The following NPEPL1 variants were observed in gnomAD, a reference collection of about 807,000 sequenced individuals.
NPEPL1 encodes the protein probable aminopeptidase NPEPL1.
A neutral mutation model predicts 52.4 loss-of-function variants in NPEPL1; 45 were observed. The observed-to-expected ratio is 0.86, with a 90% CI of 0.68 to 1.10. NPEPL1 has a LOEUF of 1.10. Ranked by LOEUF, NPEPL1 falls within the 50% of genes least tolerant of loss-of-function variation. The probability of loss-of-function intolerance (pLI) is 0.00; values close to 1 mark genes in which losing one functional copy is unlikely to be tolerated. For synonymous variants in NPEPL1, 360 were observed against 314.7 expected, an observed-to-expected ratio of 1.14 and a Z score of -1.52; for missense variants, 696 against 710.9, an observed-to-expected ratio of 0.98 and a Z score of 0.24.
chr20:58,713,707 G>A lies in NPEPL1; in HGVS notation c.1125+164G>A. On this transcript the variant is annotated intron_variant, in intron 9 of 11. Transcript: ENST00000356091. This position sits in a 1 kb window ranked among gnomAD's most constrained non-coding sequence, Gnocchi z 4.6. ...CTGCCCGTCAAGCTTGGTGTGGGCA[G>A]TACCGAGGCCCAGGCTGGATGCAGA... The A allele has an allele frequency of 1.7e-6, 2 of 1,148,586 alleles. No homozygotes were observed. Among genetic ancestry groups the A allele is most frequent in the Admixed American group, 6.0e-5 (2 of 33,522 alleles). 71.1% of individuals were successfully genotyped at this position (1,148,586 alleles called of 1,614,324 possible). A position where few individuals can be genotyped will look rare whatever the true frequency, so the allele number is the denominator to read the frequency against.
In NPEPL1 at chr20:58,693,907, G is replaced by A. The variant is rs2123077753; in HGVS notation, c.321G>A (p.Ala107=). 1 of 1,603,752 alleles carries A rather than the reference G, an allele frequency of 6.2e-7. No homozygotes were observed. The highest frequency in any genetic ancestry group is 8.5e-7 in the Non-Finnish European group (1 of 1,174,964). Residue 107 remains alanine, a synonymous_variant, in exon 2 of 12, where the codon GCG becomes GCA. Coordinates refer to ENST00000356091, the MANE Select transcript of NPEPL1 (RefSeq NM_024663.4). ...RLVRTCLPPG[A]HRCIVMVCEQ... is the part of the protein sequence containing the mutation. ...TGCGGACCTGCCTGCCGCCCGGAGC[G>A]CATCGCTGCATTGTGGTGAGTGCTT...
chr20:58,694,599 G>A lies in NPEPL1; in HGVS notation c.507+7G>A, dbSNP rs778716414. 14 of 1,608,538 alleles carry A rather than the reference G, an allele frequency of 8.7e-6. No individual in the cohort carries two copies. In the South Asian group the frequency reaches 1.3e-4, roughly 15 times the overall value. ...GGAGGTGTCCACATTGCAGGTGGGT[G>A]TCTGGAAGGGCAGACACTGCCCCTG... On this transcript the variant is annotated splice_region_variant and intron_variant, in intron 3 of 11. Transcript: ENST00000356091.
In NPEPL1 at chr20:58,692,863, CCGGGCCGGGCAGGGCCGGGG is replaced by C. The variant is rs953882699; in HGVS notation, c.-35_-16del. On this transcript the variant is annotated 5_prime_UTR_variant, in exon 1 of 12. Transcript: ENST00000356091. This position sits in a 1 kb window ranked among gnomAD's most constrained non-coding sequence, Gnocchi z 5.7. Reference sequence around the variant, plus strand: ...GAAGGGGGCCGAGCGGCGGGCCGGGCCGGGCCGGGCAGGGCCGGGGCGTGGGCCGGCAGGAAGATGGCGAA... The same window carrying C: ...GAAGGGGGCCGAGCGGCGGGCCGGGCCGTGGGCCGGCAGGAAGATGGCGAA... The C allele has an allele frequency of 4.0e-6, 4 of 998,714 alleles. No individual in the cohort carries two copies. The African/African-American group carries it at 7.1e-5, about 18-fold the overall frequency. 61.9% of individuals were successfully genotyped at this position (998,714 alleles called of 1,614,324 possible). A position where few individuals can be genotyped will look rare whatever the true frequency, so the allele number is the denominator to read the frequency against.
In NPEPL1 at chr20:58,713,907, G is replaced by T; in HGVS notation, c.1126-10G>T. 1 of 1,454,398 alleles carries T rather than the reference G, an allele frequency of 6.9e-7. No individual in the cohort carries two copies. Among genetic ancestry groups the T allele is most frequent in the South Asian group, 1.5e-5 (1 of 68,438 alleles). The allele number at this position is 1,454,398 out of a possible 1,614,324, so 90.1% of individuals were successfully genotyped here. On this transcript the variant is annotated splice_polypyrimidine_tract_variant and intron_variant, in intron 9 of 11. Transcript: ENST00000356091. This position sits in a 1 kb window ranked among gnomAD's most constrained non-coding sequence, Gnocchi z 4.6. ...CCGTCCACACGCTTCCCGGGTTCCT[G>T]CCCGCCCAGGGCATTGCCACAGGGA...
upstream of NPEPL1, chr20:58,692,271 C>T (rs1001340423): frequency 1.1e-5 from 2 of 189,070 alleles, no homozygotes; most frequent in Non-Finnish European, 2.2e-5. This position sits in a 1 kb window ranked among gnomAD's most constrained non-coding sequence, Gnocchi z 5.7. Flanking sequence ...CAGGGAACCT[C>T]CGATTAAGTG....
intron 6 of NPEPL1, 32 bp from the exon 7 acceptor site, chr20:58,707,091 C>A: frequency 6.5e-7 from 1 of 1,548,534 alleles, no homozygotes; most frequent in Non-Finnish European, 8.7e-7. Context: ...TCACAGCTCA[C>A]CTTTGTCCTG....
intron 1 of NPEPL1, 92 bp downstream of exon 1, chr20:58,693,142 G>A (rs1601089297): frequency 2.4e-6 from 2 of 850,302 alleles, no homozygotes; most frequent in Non-Finnish European, 2.8e-6. Context: ...CCGCACCCCC[G>A]CCGCCGCCGG....
chr20:58,704,144 C>T (rs900187578), intron 6 of NPEPL1: 2 of 985,272 alleles, frequency 2.0e-6, no homozygotes, highest in African/African-American at 3.5e-5. Flanking sequence ...CGCTCACAAT[C>T]TCTCCCCAAC....
At chr20:58,689,698 A>G (rs2084315034), upstream of NPEPL1, among the ~76,000 whole-genome samples, 1 of 152,178 alleles carries the variant, frequency 6.6e-6, no homozygotes, top group South Asian at 2.1e-4. Context: ...CAAAAGTCTC[A>G]TCGTAGTCCA....
rs2084909210 is a variant in NPEPL1, at chr20:58,714,106, C to G, written c.1302+13C>G. 1.3e-6 allele frequency: 2 copies of G among 1,535,144 alleles called. No homozygotes were observed. Among genetic ancestry groups the G allele is most frequent in the East Asian group, 2.5e-5 (1 of 39,972 alleles). Reference sequence around the variant, plus strand: ...GAACTCAGTGGCGGTAGGTTTGGAGCCTCGAACCTGGAGCCTGCCACATGG... The same window carrying G: ...GAACTCAGTGGCGGTAGGTTTGGAGGCTCGAACCTGGAGCCTGCCACATGG... On this transcript the variant is annotated intron_variant, in intron 10 of 11. Transcript: ENST00000356091.
chr20:58,692,427 T>C (rs915502187), upstream of NPEPL1, among the ~76,000 whole-genome samples: 1 of 151,964 alleles, frequency 6.6e-6, no homozygotes, highest in Non-Finnish European at 1.5e-5. The surrounding 1 kb of genome is among the most constrained non-coding windows in gnomAD (Gnocchi z 5.7). Context: ...AAGCAGCTGC[T>C]AAGGGACCTC....
At chr20:58,700,821 A>ATCTC (rs1252356530) in intron 5 of NPEPL1, among the ~76,000 whole-genome samples, 195 bp from the exon 6 acceptor site, 3 of 152,166 alleles carry the variant, frequency 2.0e-5, no homozygotes, top group African/African-American at 7.2e-5. Flanking sequence ...TTTGTTTGCA[A>ATCTC]TCTCAGACAT....
At chr20:58,706,616 G>A (rs1450302424) in intron 6 of NPEPL1, among the ~76,000 whole-genome samples, 1 of 152,126 alleles carries the variant, frequency 6.6e-6, no homozygotes, top group Non-Finnish European at 1.5e-5. Context: ...CTGAGGTGCT[G>A]GCCAGGGACC....
chr20:58,708,906 C>G (rs1305740129), intron 7 of NPEPL1, among the ~76,000 whole-genome samples: 1 of 151,812 alleles, frequency 6.6e-6, no homozygotes, highest in Non-Finnish European at 1.5e-5. Context: ...GTGTGGCCAG[C>G]CCTCTGTGGC....
At chr20:58,705,526 C>T (rs1367356815) in intron 6 of NPEPL1, 9 of 456,150 alleles carry the variant, frequency 2.0e-5, no homozygotes, top group Admixed American at 7.0e-5. Flanking sequence ...CAGTGGCTCC[C>T]GGACCTCTTT....
rs775109980 is a variant in NPEPL1 at position 58,694,474 on chromosome 20, C to T, written c.389C>T (p.Ala130Val). 10 of 1,613,882 alleles carry T rather than the reference C, an allele frequency of 6.2e-6. No individual in the cohort carries two copies. In the South Asian group the frequency reaches 1.1e-4, roughly 18 times the overall value. Residue 130 changes from alanine (A) to valine (V), a missense_variant, in exon 3 of 12, where the codon GCC becomes GTC. Transcript: ENST00000356091. Reference sequence around the variant, plus strand: ...GCTTCCGCCTGTGCCCTGGCCCGGGCCTTCCCGCTGTTCACCCACCGCTCA... The same window carrying T: ...GCTTCCGCCTGTGCCCTGGCCCGGGTCTTCCCGCTGTTCACCCACCGCTCA... ...VFASACALARAFPLFTHRSGA... is the reference protein window; with the variant it reads ...VFASACALARVFPLFTHRSGA...
At chr20:58,698,868 C>G in intron 4 of NPEPL1, 95 bp downstream of exon 4, 1 of 1,059,758 alleles carries the variant, frequency 9.4e-7, no homozygotes, top group Non-Finnish European at 1.4e-6. Flanking sequence ...TGTCCACACC[C>G]TGACGTGGCC....
chr20:58,692,967 C>G lies in NPEPL1; in HGVS notation c.67C>G (p.Leu23Val). ...GDSDPQSRPLLLLGQLHHLHR... is the reference protein window; with the variant it reads ...GDSDPQSRPLVLLGQLHHLHR... Reference sequence around the variant, plus strand: ...CTCGGACCCACAGAGCCGGCCCCTGCTGCTGCTCGGGCAGCTGCACCACCT... The same window carrying G: ...CTCGGACCCACAGAGCCGGCCCCTGGTGCTGCTCGGGCAGCTGCACCACCT... The change falls in exon 1 of 12, where the codon CTG becomes GTG. Residue 23 changes from leucine to valine, a missense_variant. Physicochemically the swap from Leu to Val is conservative, Grantham distance 32 (BLOSUM62 1). Coordinates refer to ENST00000356091, the MANE Select transcript of NPEPL1 (RefSeq NM_024663.4). This position sits in a 1 kb window ranked among gnomAD's most constrained non-coding sequence, Gnocchi z 5.7. 1 of 1,192,998 alleles carries G rather than the reference C, an allele frequency of 8.4e-7. No individual in the cohort carries two copies. The highest frequency in any genetic ancestry group is 1.1e-6 in the Non-Finnish European group (1 of 943,180). The allele number at this position is 1,192,998 out of a possible 1,614,324, so 73.9% of individuals were successfully genotyped here. A position where few individuals can be genotyped will look rare whatever the true frequency, so the allele number is the denominator to read the frequency against.
intron 6 of NPEPL1, among the ~76,000 whole-genome samples, chr20:58,704,911 C>CACTTTGAACATGT (rs1234647796): frequency 6.6e-6 from 1 of 152,228 alleles, no homozygotes; most frequent in Non-Finnish European, 1.5e-5. Flanking sequence ...TGTTCTCTCT[C>CACTTTGAACATGT]ACTTTGAACA....
Sources: allele counts gnomAD v4.1 joint callset (sites outside exome capture counted in the v4.1 genomes callset), GRCh38; gene constraint gnomAD v4.1.1; non-coding constraint Gnocchi (gnomAD v3.1); transcripts MANE v1.5; gene names NCBI Gene and HGNC (gene_info 2026-07-23, HGNC 2026-07-21).